LINGO2: variants seen among roughly 807,000 people sequenced by gnomAD.
LINGO2 encodes leucine rich repeat and Ig domain containing 2, also known as leucine-rich repeat and immunoglobulin-like domain-containing nogo receptor-interacting protein 2.
A neutral mutation model predicts 30.6 loss-of-function variants in LINGO2; 14 were observed. That is an observed-to-expected ratio of 0.46 (90% CI 0.30 to 0.72). The LOEUF is 0.72. Ranked by LOEUF, LINGO2 falls within the 30% of genes least tolerant of loss-of-function variation. The pLI, the probability that LINGO2 is intolerant of heterozygous loss-of-function variation, is 0.07. For missense variants in LINGO2, 729 were observed against 751.7 expected (o/e 0.97, Z 0.35); for synonymous variants, 317 against 288.5 (o/e 1.10, Z -1.00).
intron 3 of LINGO2, among the ~76,000 whole-genome samples, chr9:28,366,482 C>G (rs186710144): frequency 8.9e-4 from 135 of 152,298 alleles, no homozygotes; most frequent in Non-Finnish European, 1.5e-3. Context: ...AATTGCATCT[C>G]TCTTCCACAT....
At chr9:29,032,944 C>T in the LINGO2 span, among the ~76,000 whole-genome samples, 1 of 152,042 alleles carries the variant, frequency 6.6e-6, no homozygotes, top group Non-Finnish European at 1.5e-5. Context: ...TAAACTAAGC[C>T]TAATTAAACC....
At chr9:28,840,277 G>A in the LINGO2 span, among the ~76,000 whole-genome samples, 2 of 151,852 alleles carry the variant, frequency 1.3e-5, no homozygotes, top group Non-Finnish European at 2.9e-5. Context: ...TGCTGGCTCT[G>A]TGGAGCGTGC....
At chr9:28,597,655 GAT>G (rs1825251250) in intron 1 of LINGO2, among the ~76,000 whole-genome samples, 1 of 152,194 alleles carries the variant, frequency 6.6e-6, no homozygotes, top group Admixed American at 6.5e-5. Flanking sequence ...TAAGCAATAA[GAT>G]ATTGTATAGT....
At chr9:28,032,319 C>A (rs970188093) in intron 4 of LINGO2, among the ~76,000 whole-genome samples, 1 of 152,150 alleles carries the variant, frequency 6.6e-6, no homozygotes, top group South Asian at 2.1e-4. Context: ...ACACTGCCTG[C>A]CCTCGCTGCC....
intron 5 of LINGO2, among the ~76,000 whole-genome samples, chr9:27,959,918 A>G (rs1402855861): frequency 6.6e-6 from 1 of 152,140 alleles, no homozygotes; most frequent in Non-Finnish European, 1.5e-5. Context: ...CCTAAGTTCT[A>G]TAGGTTTGGG....
intron 3 of LINGO2, among the ~76,000 whole-genome samples, chr9:28,341,311 G>A (rs1178011908): frequency 6.6e-6 from 1 of 152,076 alleles, no homozygotes; most frequent in Non-Finnish European, 1.5e-5. Context: ...AGAAAGAGAT[G>A]TTTTTCCACC....
the LINGO2 span, among the ~76,000 whole-genome samples, chr9:29,058,139 A>G: frequency 6.6e-6 from 1 of 152,140 alleles, no homozygotes; most frequent in East Asian, 1.9e-4. Flanking sequence ...TTAAGAAAAG[A>G]GAGAAAATGA....
intron 4 of LINGO2, among the ~76,000 whole-genome samples, chr9:28,035,720 C>G (rs1823899122): frequency 6.6e-6 from 1 of 152,168 alleles, no homozygotes. Flanking sequence ...ATCTTTTGAG[C>G]ATACAGAGCT....
At chr9:28,925,661 T>C in the LINGO2 span, among the ~76,000 whole-genome samples, 5 of 152,222 alleles carry the variant, frequency 3.3e-5, no homozygotes, top group Admixed American at 2.6e-4. Context: ...ATTAACTATA[T>C]ACTGTATTAC....
At chr9:28,023,067 T>C (rs999145626) in intron 4 of LINGO2, among the ~76,000 whole-genome samples, 1 of 152,182 alleles carries the variant, frequency 6.6e-6, no homozygotes, top group African/African-American at 2.4e-5. Flanking sequence ...TGTTATTGTG[T>C]ATTTTCTACA....
At position 28,172,034 on chromosome 9, in the gene LINGO2, C is replaced by CAAAAAAAA. The variant is rs11421803; in HGVS notation, c.-87+123166_-87+123173dup. ...TCCGTCTCAAAAAAAAAAAAAAAAACAAAAAAAAAAACCCAGCATCTCCTA... is the reference window on the plus strand; with the variant it reads ...TCCGTCTCAAAAAAAAAAAAAAAAACAAAAAAAAAAAAAAAAAAACCCAGCATCTCCTA... On this transcript the variant is annotated intron_variant, in intron 4 of 5. Transcript: ENST00000379992. Among the ~76,000 whole-genome samples, 25 of 98,726 alleles carry CAAAAAAAA rather than the reference C, an allele frequency of 2.5e-4. 1 individual carries two copies. The highest frequency in any genetic ancestry group is 7.0e-4 in the East Asian group (2 of 2,862). The allele number at this position is 98,726 out of a possible 152,430, so 64.8% of individuals were successfully genotyped here.
At chr9:28,849,285 A>C in the LINGO2 span, among the ~76,000 whole-genome samples, 70 of 151,972 alleles carry the variant, frequency 4.6e-4, 2 homozygotes, top group South Asian at 0.014. Flanking sequence ...TATCTGCTGT[A>C]AGTAAGTCCC....
intron 2 of LINGO2, among the ~76,000 whole-genome samples, chr9:28,394,657 G>A (rs1821970744): frequency 6.6e-6 from 1 of 152,184 alleles, no homozygotes; most frequent in Admixed American, 6.5e-5. Context: ...GAAGATGTAT[G>A]GGGGTAGGTA....
At chr9:28,760,592 G>T in the LINGO2 span, among the ~76,000 whole-genome samples, 1 of 151,778 alleles carries the variant, frequency 6.6e-6, no homozygotes, top group African/African-American at 2.4e-5. Flanking sequence ...GTGAAATCCT[G>T]GTGCACCCAT....
chr9:27,969,821 G>C (rs1360976300), intron 5 of LINGO2, among the ~76,000 whole-genome samples: 2 of 151,864 alleles, frequency 1.3e-5, no homozygotes, highest in East Asian at 3.9e-4. Context: ...ACTAGATCAA[G>C]GTCAGTTAGG....
intron 4 of LINGO2, among the ~76,000 whole-genome samples, chr9:28,226,039 C>A (rs527851379): frequency 1.8e-4 from 28 of 152,192 alleles, no homozygotes; most frequent in African/African-American, 6.5e-4. Flanking sequence ...AGAAGTTCCT[C>A]CAAAATTTAA....
the LINGO2 span, chr9:28,863,732 T>A: frequency 2.0e-6 from 1 of 488,784 alleles, no homozygotes; most frequent in African/African-American, 1.9e-5. Flanking sequence ...CTGGTACCTA[T>A]GAACCAACAA....
the LINGO2 span, among the ~76,000 whole-genome samples, chr9:28,800,395 A>T: frequency 1.3e-5 from 2 of 152,064 alleles, no homozygotes; most frequent in Non-Finnish European, 2.9e-5. Flanking sequence ...GTCATATTCT[A>T]CGTCTTTCTT....
the LINGO2 span, among the ~76,000 whole-genome samples, chr9:28,779,047 A>G: frequency 6.6e-6 from 1 of 152,184 alleles, no homozygotes; most frequent in Non-Finnish European, 1.5e-5. Flanking sequence ...TAACCGTACT[A>G]TTTTTATAAT....
Sources: allele counts gnomAD v4.1 joint callset (sites outside exome capture counted in the v4.1 genomes callset), GRCh38; gene constraint gnomAD v4.1.1; transcripts MANE v1.5; gene names NCBI Gene and HGNC (gene_info 2026-07-23, HGNC 2026-07-21).